The following FAIM2 variants were observed in gnomAD, a reference collection of about 807,000 sequenced individuals.
FAIM2 encodes protein lifeguard 2.
In FAIM2, 27 loss-of-function variants were observed where a neutral mutation model predicts 47.4. The ratio of observed to expected loss-of-function variants is 0.57; its 90% CI spans 0.42 to 0.78. FAIM2 has a LOEUF of 0.78. Among genes scored for constraint, FAIM2 ranks in the 30% least tolerant of loss-of-function variants. The pLI, the probability that FAIM2 is intolerant of heterozygous loss-of-function variation, is 0.00. For synonymous variants in FAIM2, 156 were observed against 159.3 expected (o/e 0.98, Z 0.16); for missense variants, 311 against 389.4 (o/e 0.80, Z 1.69).
rs1469101048 is a variant in FAIM2 at position 49,897,499 on chromosome 12, GGT to G, written c.380+18_380+19del. 6.2e-7 allele frequency: 1 copy of G among 1,611,678 alleles called. No homozygotes were observed. Among genetic ancestry groups the G allele is most frequent in the African/African-American group, 1.3e-5 (1 of 74,902 alleles). On this transcript the variant is annotated intron_variant, in intron 4 of 11. Coordinates refer to ENST00000320634, the MANE Select transcript of FAIM2 (RefSeq NM_012306.4). ...GCCATAGTCATCCCTGGAAGGTGCT[GGT>G]CCATGCTGCCAACTCACCAGAAAGT...
intron 11 of FAIM2, among the ~76,000 whole-genome samples, chr12:49,879,407 T>A (rs1273373739): frequency 6.6e-6 from 1 of 151,800 alleles, no homozygotes; most frequent in Non-Finnish European, 1.5e-5. Flanking sequence ...TCCATGTGAG[T>A]GTGCATGTGA....
Position 49,870,474 on chromosome 12 carries a change from T to G in FAIM2, c.*30A>C. On this transcript the variant is annotated 3_prime_UTR_variant, in exon 12 of 12. Transcript: ENST00000320634. The stretch of plus-strand genomic sequence containing the variant: ...ACAGGGAACCAGGAGGGGCGCATTC[T>G]CTGGAGGACGGTGGGGCAGGGAGGG... 1 of 1,606,350 alleles carries G rather than the reference T, an allele frequency of 6.2e-7. No homozygotes were observed. Among genetic ancestry groups the G allele is most frequent in the Non-Finnish European group, 8.5e-7 (1 of 1,174,782 alleles).
intron 11 of FAIM2, among the ~76,000 whole-genome samples, chr12:49,886,583 C>T (rs1006311777): frequency 2.0e-5 from 3 of 152,290 alleles, no homozygotes; most frequent in African/African-American, 4.8e-5. Flanking sequence ...TCACACCATT[C>T]TCCTGCCTCA....
At chr12:49,880,724 A>G (rs1287087338) in intron 11 of FAIM2, among the ~76,000 whole-genome samples, 12 of 62,070 alleles carry the variant, frequency 1.9e-4, no homozygotes, top group Admixed American at 1.0e-3. Flanking sequence ...ATGCGTGTAT[A>G]TGTGTGTGTG....
intron 11 of FAIM2, among the ~76,000 whole-genome samples, chr12:49,882,209 C>T (rs1946830721): frequency 6.6e-6 from 1 of 152,188 alleles, no homozygotes; most frequent in Admixed American, 6.5e-5. Flanking sequence ...GCTGAGAATT[C>T]CCCAAAGGCT....
chr12:49,876,492 G>A (rs535765944), intron 11 of FAIM2, among the ~76,000 whole-genome samples: 6 of 152,254 alleles, frequency 3.9e-5, no homozygotes, highest in South Asian at 4.1e-4. Context: ...GGCTGGGTGC[G>A]GTGGCTTACG....
rs200587700 is a variant in FAIM2 at position 49,897,767 on chromosome 12, C to CA, written c.316-185_316-184insT. Among the ~76,000 whole-genome samples the CA allele has an allele frequency of 1.5e-3, 228 of 151,986 alleles. 2 individuals carry two copies. In the East Asian group the frequency reaches 0.028, roughly 19 times the overall value. On this transcript the variant is annotated intron_variant, in intron 3 of 11. Coordinates refer to ENST00000320634, the MANE Select transcript of FAIM2 (RefSeq NM_012306.4). ...AAGATGCTGCAGAGCCAAGCGCACCCCCCCCCAGCATTGGGAGAAAAGAGG... is the reference window on the plus strand; with the variant it reads ...AAGATGCTGCAGAGCCAAGCGCACCCACCCCCCAGCATTGGGAGAAAAGAGG...
intron 11 of FAIM2, among the ~76,000 whole-genome samples, chr12:49,885,525 G>A (rs577453808): frequency 9.9e-5 from 15 of 152,154 alleles, no homozygotes; most frequent in Non-Finnish European, 1.5e-4. Context: ...AGCATGGTGC[G>A]GGGTCTGAGA....
In FAIM2 at chr12:49,870,241, G is replaced by A. The variant is rs1228779516; in HGVS notation, c.*263C>T. On this transcript the variant is annotated 3_prime_UTR_variant, in exon 12 of 12. Coordinates refer to ENST00000320634, the MANE Select transcript of FAIM2 (RefSeq NM_012306.4). ...GTCCCTTGGACCCTCAAACCCAGAGGAGCCTTCAGCCTTGACCGTCCCAGT... is the reference window on the plus strand; with the variant it reads ...GTCCCTTGGACCCTCAAACCCAGAGAAGCCTTCAGCCTTGACCGTCCCAGT... 6 of 369,906 alleles carry A rather than the reference G, an allele frequency of 1.6e-5. No individual in the cohort carries two copies. Among genetic ancestry groups the A allele is most frequent in the Admixed American group, 1.2e-4 (3 of 24,786 alleles). The allele number at this position is 369,906 out of a possible 1,614,324, so 22.9% of individuals were successfully genotyped here.
intron 5 of FAIM2, among the ~76,000 whole-genome samples, chr12:49,894,306 C>T (rs1159255466): frequency 6.6e-6 from 1 of 152,190 alleles, no homozygotes; most frequent in Non-Finnish European, 1.5e-5. Flanking sequence ...AAGTCTCTGA[C>T]CCACCTCCAC....
At position 49,903,824 on chromosome 12, in the gene FAIM2, G is replaced by C; in HGVS notation, c.-32C>G. 6.5e-7 allele frequency: 1 copy of C among 1,527,822 alleles called. No homozygotes were observed. Among genetic ancestry groups the C allele is most frequent in the Non-Finnish European group, 8.8e-7 (1 of 1,135,904 alleles). 94.6% of individuals were successfully genotyped at this position (1,527,822 alleles called of 1,614,324 possible). ...GTCTCTCGGGGAAGGGGTCCCTGAG[G>C]CCCGGGTGGCCGCTTGGGTAACCGC... On this transcript the variant is annotated 5_prime_UTR_variant, in exon 1 of 12. Coordinates refer to ENST00000320634, the MANE Select transcript of FAIM2 (RefSeq NM_012306.4).
rs544732941 is a variant in FAIM2 at position 49,895,498 on chromosome 12, C to T, written c.434+1533G>A. The stretch of plus-strand genomic sequence containing the variant: ...CAAGTTCTCAGGAGCTCAAAGCTGC[C>T]AGGCCATGCTGATGTGCCAGAAGCC... On this transcript the variant is annotated intron_variant, in intron 5 of 11. Coordinates refer to ENST00000320634, the MANE Select transcript of FAIM2 (RefSeq NM_012306.4). 3.3e-5 allele frequency among the ~76,000 whole-genome samples: 5 copies of T among 152,300 alleles called. No individual in the cohort carries two copies. In the South Asian group the frequency reaches 1.0e-3, roughly 32 times the overall value.
chr12:49,879,692 CTG>C (rs1246842080), intron 11 of FAIM2, among the ~76,000 whole-genome samples: 25 of 70,596 alleles, frequency 3.5e-4, no homozygotes, highest in African/African-American at 1.1e-3. Flanking sequence ...GTATCTGTGT[CTG>C]TGTGCATGTG....
In FAIM2 at chr12:49,889,524, G is replaced by C. The variant is rs80246888; in HGVS notation, c.608C>G (p.Ala203Gly). The C allele has an allele frequency of 2.2e-4, 351 of 1,614,132 alleles. 2 individuals are homozygous for C. In the East Asian group the frequency reaches 7.4e-3, roughly 34 times the overall value. ...TSVLLCLGIT[A>G]LVCLSVTVFS... is the part of the protein sequence containing the mutation. Reference sequence around the variant, plus strand: ...GACGGTGACTGAGAGGCAGACAAGGGCCGTGATGCCCAGGCACAGCAGCAC... The same window carrying C: ...GACGGTGACTGAGAGGCAGACAAGGCCCGTGATGCCCAGGCACAGCAGCAC... Residue 203 changes from alanine to glycine, a missense_variant, in exon 9 of 12, where the codon GCC becomes GGC. Ala to Gly is a moderately conservative substitution (Grantham distance 60, BLOSUM62 0). Transcript: ENST00000320634.
chr12:49,887,784 A>T (rs1366502693), intron 10 of FAIM2, among the ~76,000 whole-genome samples: 1 of 151,836 alleles, frequency 6.6e-6, no homozygotes, highest in East Asian at 1.9e-4. Flanking sequence ...CCCGCCTCCC[A>T]GTGTGCGTTC....
rs779296836 is a variant in FAIM2, at chr12:49,889,582, G to A, written c.564-14C>T. The A allele has an allele frequency of 3.5e-5, 56 of 1,611,962 alleles. No individual in the cohort carries two copies. Among genetic ancestry groups the A allele is most frequent in the Non-Finnish European group, 4.3e-5 (51 of 1,178,246 alleles). ...GTGTTGTAGTAGCTGAGGACCGTCA[G>A]GCCGAGGGGTCAGCTCTCAGGCAGG... is the stretch of plus-strand genomic sequence containing the variant. On this transcript the variant is annotated splice_polypyrimidine_tract_variant and intron_variant, in intron 8 of 11. Transcript: ENST00000320634.
chr12:49,870,449 A>T lies in FAIM2; in HGVS notation c.*55T>A. The T allele has an allele frequency of 6.5e-7, 1 of 1,537,650 alleles. No homozygotes were observed. The highest frequency in any genetic ancestry group is 2.3e-5 in the East Asian group (1 of 44,400). On this transcript the variant is annotated 3_prime_UTR_variant, in exon 12 of 12. Transcript: ENST00000320634. ...GGTCTCGCAGGAGCGCAGGGGAGGG[A>T]CAGGGAACCAGGAGGGGCGCATTCT...
chr12:49,885,157 T>C (rs1458402976), intron 11 of FAIM2, among the ~76,000 whole-genome samples: 1 of 152,192 alleles, frequency 6.6e-6, no homozygotes, highest in Non-Finnish European at 1.5e-5. Context: ...GGGACTATTG[T>C]TATTATTCTA....
At chr12:49,875,918 G>A (rs1364049491) in intron 11 of FAIM2, among the ~76,000 whole-genome samples, 1 of 152,204 alleles carries the variant, frequency 6.6e-6, no homozygotes, top group African/African-American at 2.4e-5. Flanking sequence ...GGAGGTTCCA[G>A]TAAGCCAAGA....
Sources: allele counts gnomAD v4.1 joint callset (sites outside exome capture counted in the v4.1 genomes callset), GRCh38; gene constraint gnomAD v4.1.1; transcripts MANE v1.5; gene names NCBI Gene and HGNC (gene_info 2026-07-23, HGNC 2026-07-21).